ZNF573: variants seen among roughly 807,000 people sequenced by gnomAD.
ZNF573 encodes the protein zinc finger protein 573.
In ZNF573, 41 loss-of-function variants were observed where a neutral mutation model predicts 57.4. The observed-to-expected ratio is 0.71, with a 90% confidence interval of 0.56 to 0.93. The LOEUF (loss-of-function observed/expected upper bound fraction) is 0.93, where lower values mean the gene tolerates loss of function less well. ZNF573 is among the 40% of genes least tolerant of loss of function. The pLI is 0.00. For missense variants in ZNF573, 730 were observed against 794.8 expected, an observed-to-expected ratio of 0.92 and a Z score of 0.98; for synonymous variants, 249 against 261.0, an observed-to-expected ratio of 0.95 and a Z score of 0.44.
At chr19:37,767,043 G>A (rs1169541906) in intron 4 of ZNF573, among the ~76,000 whole-genome samples, 2 of 152,044 alleles carry the variant, frequency 1.3e-5, no homozygotes, top group African/African-American at 4.8e-5. Flanking sequence ...AGATAGGGAG[G>A]GTGTACATAC....
intron 1 of ZNF573, among the ~76,000 whole-genome samples, chr19:37,774,160 T>C (rs2045685994): frequency 7.5e-6 from 1 of 132,452 alleles, no homozygotes; most frequent in Non-Finnish European, 1.6e-5. Flanking sequence ...TTTTCTGAGA[T>C]GGAGACTCGC....
rs539320709 is a variant in ZNF573 at position 37,771,475 on chromosome 19, T to C, written c.202+89A>G. ...AGAACAGGAAGGAGAAATTCAACTA[T>C]GTCTTGAAATATGGCCTTGAAATTC... is the stretch of plus-strand genomic sequence containing the variant. On this transcript the variant is annotated intron_variant, in intron 3 of 4. Coordinates refer to ENST00000536220, the MANE Select transcript of ZNF573 (RefSeq NM_001172690.2). 3.9e-4 allele frequency: 565 copies of C among 1,438,070 alleles called. 9 individuals are homozygous for C. In the South Asian group the frequency reaches 4.6e-3, roughly 12 times the overall value. 89.1% of individuals were successfully genotyped at this position (1,438,070 alleles called of 1,614,324 possible).
chr19:37,745,695 A>T (rs1266058110), intron 4 of ZNF573, among the ~76,000 whole-genome samples: 1 of 152,162 alleles, frequency 6.6e-6, no homozygotes, highest in African/African-American at 2.4e-5. Flanking sequence ...CACACTTGGC[A>T]AGATTGTAAT....
intron 4 of ZNF573, among the ~76,000 whole-genome samples, chr19:37,759,789 G>C (rs1568420830): frequency 6.6e-6 from 1 of 152,142 alleles, no homozygotes; most frequent in Non-Finnish European, 1.5e-5. Context: ...TTAAGTTAGA[G>C]TGTAGAACTT....
chr19:37,758,604 A>C (rs981890204), intron 4 of ZNF573: 2 of 151,598 alleles, frequency 1.3e-5, no homozygotes, highest in Non-Finnish European at 2.9e-5. Context: ...CATCTAAAAA[A>C]AAAAAAAAAA....
chr19:37,762,947 GT>G (rs1359151598), intron 4 of ZNF573, among the ~76,000 whole-genome samples: 2 of 151,816 alleles, frequency 1.3e-5, no homozygotes, highest in African/African-American at 4.8e-5. Context: ...AATTTTTTAT[GT>G]TTTTGGTAGA....
At chr19:37,762,948 T>G (rs1241341077) in intron 4 of ZNF573, among the ~76,000 whole-genome samples, 2 of 151,930 alleles carry the variant, frequency 1.3e-5, no homozygotes, top group African/African-American at 4.8e-5. Context: ...ATTTTTTATG[T>G]TTTTGGTAGA....
chr19:37,778,459 C>T (rs1340738111), intron 1 of ZNF573: 1 of 151,014 alleles, frequency 6.6e-6, no homozygotes, highest in Non-Finnish European at 1.5e-5. Context: ...GCCTTGGCCT[C>T]CTAAAATGGT....
At chr19:37,758,988 T>C (rs1229428296) in intron 4 of ZNF573, 2 of 411,114 alleles carry the variant, frequency 4.9e-6, no homozygotes, top group Non-Finnish European at 6.5e-6. Context: ...AATAACTAAT[T>C]ATAGGCTGAT....
chr19:37,756,885 G>A (rs1287699218), intron 4 of ZNF573, among the ~76,000 whole-genome samples: 2 of 151,354 alleles, frequency 1.3e-5, no homozygotes, highest in Non-Finnish European at 2.9e-5. Context: ...ATGTTCCATC[G>A]AATGAGCCAA....
At position 37,739,976 on chromosome 19, in the gene ZNF573, G is replaced by A. The variant is rs149253687; in HGVS notation, c.514C>T (p.Arg172Cys). The A allele has an allele frequency of 1.5e-3, 2,430 of 1,613,972 alleles. 6 individuals carry two copies. Among genetic ancestry groups the A allele is most frequent in the Non-Finnish European group, 1.9e-3 (2,273 of 1,179,978 alleles). Residue 172 changes from arginine (R) to cysteine (C), a missense_variant, in exon 5 of 5, where the codon CGT (arginine) becomes TGT (cysteine). Physicochemically the swap from Arg to Cys is radical, Grantham distance 180. Transcript: ENST00000536220. ...YECKECGKNF[R>C]SGYQLTLHQR... ...TGTAGAGTAAGTTGATAGCCACTAC[G>A]AAAGTTCTTCCCACACTCTTTGCAT...
chr19:37,770,006 T>G lies in ZNF573; in HGVS notation c.294A>C (p.Thr98=), dbSNP rs780796010. The change falls in exon 4 of 5, where the codon ACA becomes ACC. Residue 98 remains threonine (T), a splice_region_variant and synonymous_variant. Transcript: ENST00000536220. ...WMILREETQF[T]DLDLQCEIIS... ...GATGGTGTCCCCTGCCTTCCTTACCTGTGAACTGTGTTTCTTCCCTCAAAA... is the reference window on the plus strand; with the variant it reads ...GATGGTGTCCCCTGCCTTCCTTACCGGTGAACTGTGTTTCTTCCCTCAAAA... 3.9e-6 allele frequency: 6 copies of G among 1,551,528 alleles called. No individual in the cohort carries two copies. The highest frequency in any genetic ancestry group is 5.2e-6 in the Non-Finnish European group (6 of 1,146,924).
chr19:37,746,142 T>A (rs2145284715), intron 4 of ZNF573, among the ~76,000 whole-genome samples: 1 of 152,366 alleles, frequency 6.6e-6, no homozygotes, highest in South Asian at 2.1e-4. Flanking sequence ...AATTATATAC[T>A]GCTTGTAGGT....
chr19:37,744,269 G>T (rs975599094), intron 4 of ZNF573, among the ~76,000 whole-genome samples: 1 of 152,076 alleles, frequency 6.6e-6, no homozygotes, highest in Non-Finnish European at 1.5e-5. Context: ...AAAGGAGGCT[G>T]GCTTGGAGTT....
At chr19:37,750,196 CCTCAATCTCCTGA>C (rs1472051087) in intron 4 of ZNF573, among the ~76,000 whole-genome samples, 1 of 151,926 alleles carries the variant, frequency 6.6e-6, no homozygotes, top group Non-Finnish European at 1.5e-5. Context: ...AATTCTCCTG[CCTCAATCTCCTGA>C]GTAGCTGAGG....
chr19:37,758,202 A>AATATATATAT (rs550290940), intron 4 of ZNF573, among the ~76,000 whole-genome samples: 1 of 17,188 alleles, frequency 5.8e-5, no homozygotes, highest in African/African-American at 1.7e-4. Flanking sequence ...AGTATAATAA[A>AATATATATAT]ATATATATAT....
At chr19:37,776,913 T>C (rs1216884609) in intron 1 of ZNF573, among the ~76,000 whole-genome samples, 1 of 152,054 alleles carries the variant, frequency 6.6e-6, no homozygotes, top group Non-Finnish European at 1.5e-5. Flanking sequence ...ATCAGGAAAA[T>C]GCCAATAAAA....
chr19:37,757,876 G>A (rs973995373), intron 4 of ZNF573, among the ~76,000 whole-genome samples: 17 of 152,092 alleles, frequency 1.1e-4, no homozygotes, highest in Non-Finnish European at 2.1e-4. Context: ...AAAATGATGA[G>A]TTCATGTCCG....
intron 1 of ZNF573, chr19:37,778,355 T>C (rs1313798323): frequency 4.2e-5 from 6 of 142,234 alleles, no homozygotes; most frequent in Admixed American, 2.1e-4. Context: ...GCATGCACCA[T>C]CACGCCAGAC....
Sources: gnomAD v4.1 joint callset for allele counts (sites outside exome capture counted in the v4.1 genomes callset) on GRCh38, gnomAD v4.1.1 for gene constraint, MANE v1.5 for transcripts, NCBI Gene and HGNC (gene_info 2026-07-23, HGNC 2026-07-21) for gene names.